RORB: variants seen among roughly 807,000 people sequenced by gnomAD.
RORB encodes nuclear receptor ROR-beta.
A neutral mutation model predicts 59.1 loss-of-function variants in RORB; 6 were observed. The observed-to-expected ratio is 0.10, with a 90% CI of 0.06 to 0.20. RORB has a LOEUF of 0.20. Among genes scored for constraint, RORB ranks in the 10% least tolerant of loss-of-function variants. RORB has a pLI of 1.00. For missense variants in RORB, 320 were observed against 560.5 expected (o/e 0.57, Z 4.33); for synonymous variants, 215 against 204.5 (o/e 1.05, Z -0.44).
At chr9:74,563,239 G>A (rs2118197078) in intron 1 of RORB, among the ~76,000 whole-genome samples, 1 of 147,398 alleles carries the variant, frequency 6.8e-6, no homozygotes, top group Non-Finnish European at 1.5e-5. Flanking sequence ...AGGCTGGAGT[G>A]CAGTAGCACA....
intron 1 of RORB, among the ~76,000 whole-genome samples, chr9:74,616,538 G>A (rs1406674556): frequency 3.9e-5 from 6 of 152,142 alleles, no homozygotes; most frequent in Non-Finnish European, 5.9e-5. Flanking sequence ...GGTGAAATAA[G>A]CTATTACCAG....
Position 74,685,934 on chromosome 9 carries a change from G to A in RORB, c.*316G>A, listed in dbSNP as rs549790333. On this transcript the variant is annotated 3_prime_UTR_variant, in exon 10 of 10. Coordinates refer to ENST00000376896, the MANE Select transcript of RORB (RefSeq NM_006914.4). Reference sequence around the variant, plus strand: ...AGAATTTTATTGTAGATATATACAAGAAAAGAGCGGTACTTTACATGATTA... The same window carrying A: ...AGAATTTTATTGTAGATATATACAAAAAAAGAGCGGTACTTTACATGATTA... 1 of 175,972 alleles carries A rather than the reference G, an allele frequency of 5.7e-6. No individual in the cohort carries two copies. The highest frequency in any genetic ancestry group is 2.3e-5 in the African/African-American group (1 of 42,574). 10.9% of individuals were successfully genotyped at this position (175,972 alleles called of 1,614,324 possible).
chr9:74,589,015 A>G (rs1264010487), intron 1 of RORB, among the ~76,000 whole-genome samples: 1 of 152,178 alleles, frequency 6.6e-6, no homozygotes, highest in Admixed American at 6.5e-5. Context: ...TTGTAACCAT[A>G]ATTTTCCTTT....
intron 1 of RORB, among the ~76,000 whole-genome samples, chr9:74,504,203 C>T (rs1794096180): frequency 6.6e-6 from 1 of 151,872 alleles, no homozygotes; most frequent in African/African-American, 2.4e-5. Flanking sequence ...ATATATTCTA[C>T]CCACCATTGT....
chr9:74,533,156 C>T (rs181844954), intron 1 of RORB, among the ~76,000 whole-genome samples: 1 of 152,006 alleles, frequency 6.6e-6, no homozygotes, highest in Admixed American at 6.6e-5. Flanking sequence ...CTGCTCCACA[C>T]AAACATTGTT....
At chr9:74,669,181 T>C (rs1013735307) in intron 8 of RORB, among the ~76,000 whole-genome samples, 1 of 152,182 alleles carries the variant, frequency 6.6e-6, no homozygotes, top group African/African-American at 2.4e-5. Flanking sequence ...AAAATATTTT[T>C]TTAAAGTATA....
At chr9:74,541,051 C>T (rs1826398616) in intron 1 of RORB, among the ~76,000 whole-genome samples, 1 of 151,842 alleles carries the variant, frequency 6.6e-6, no homozygotes, top group Admixed American at 6.6e-5. Flanking sequence ...GAGGCCAAGG[C>T]GGGTAGATCA....
intron 1 of RORB, among the ~76,000 whole-genome samples, chr9:74,545,215 C>T (rs1826468911): frequency 6.6e-6 from 1 of 151,570 alleles, no homozygotes; most frequent in African/African-American, 2.4e-5. Context: ...TTAATTTACT[C>T]ACAGGCCCTC....
chr9:74,566,570 G>T (rs1308032673), intron 1 of RORB, among the ~76,000 whole-genome samples: 1 of 152,138 alleles, frequency 6.6e-6, no homozygotes, highest in East Asian at 1.9e-4. Context: ...GCCGAGGTGG[G>T]TGGATCACCT....
At position 74,692,473 on chromosome 9, in the gene RORB, G is replaced by A. The variant is rs1001726306; in HGVS notation, c.*6855G>A. The A allele has an allele frequency of 2.6e-5, 4 of 152,110 alleles. No homozygotes were observed. Among genetic ancestry groups the A allele is most frequent in the African/African-American group, 4.8e-5 (2 of 41,418 alleles). 9.4% of individuals were successfully genotyped at this position (152,110 alleles called of 1,614,324 possible). ...TGTTTTTACCTTAGCTCCAGCCTAC[G>A]CTTGTAAAGTGAAGAGTGATTCTAA... On this transcript the variant is annotated 3_prime_UTR_variant, in exon 10 of 10. Transcript: ENST00000376896.
intron 1 of RORB, among the ~76,000 whole-genome samples, chr9:74,582,498 A>T (rs1822739128): frequency 6.6e-6 from 1 of 152,242 alleles, no homozygotes; most frequent in Non-Finnish European, 1.5e-5. Context: ...TACAGAGGTT[A>T]CAAACTGGCA....
At chr9:74,568,700 A>AAG (rs1822504863) in intron 1 of RORB, among the ~76,000 whole-genome samples, 1 of 53,202 alleles carries the variant, frequency 1.9e-5, no homozygotes, top group Admixed American at 2.0e-4. Flanking sequence ...ACTCCATCTC[A>AAG]AAAAAAAAAA....
intron 4 of RORB, among the ~76,000 whole-genome samples, chr9:74,659,211 A>C (rs1010759437): frequency 6.6e-6 from 1 of 152,142 alleles, no homozygotes; most frequent in Admixed American, 6.5e-5. Context: ...TTAAGTTTAC[A>C]ATTTTTTGTT....
chr9:74,680,330 A>G (rs960195228), intron 9 of RORB, among the ~76,000 whole-genome samples: 3 of 152,162 alleles, frequency 2.0e-5, no homozygotes, highest in Admixed American at 1.3e-4. Context: ...TATCTACTTC[A>G]TTCTTCTCCC....
intron 3 of RORB, among the ~76,000 whole-genome samples, chr9:74,636,633 G>A (rs1823708273): frequency 6.6e-6 from 1 of 152,198 alleles, no homozygotes; most frequent in South Asian, 2.1e-4. Flanking sequence ...TAAGGACACT[G>A]AGGATTAAGA....
chr9:74,664,421 A>G (rs1480203454), intron 6 of RORB, among the ~76,000 whole-genome samples: 4 of 152,122 alleles, frequency 2.6e-5, no homozygotes, highest in African/African-American at 4.8e-5. Context: ...TCAAAAAGGT[A>G]GGGTACTTAA....
At chr9:74,541,907 G>A (rs1254070028) in intron 1 of RORB, among the ~76,000 whole-genome samples, 2 of 152,050 alleles carry the variant, frequency 1.3e-5, no homozygotes, top group Non-Finnish European at 2.9e-5. Flanking sequence ...AGATTTAATA[G>A]CTGCAAAAAT....
intron 4 of RORB, among the ~76,000 whole-genome samples, 172 bp from the exon 5 acceptor site, chr9:74,660,445 G>GA (rs1429994954): frequency 1.3e-5 from 2 of 151,950 alleles, no homozygotes; most frequent in Admixed American, 6.6e-5. Context: ...ACTGAAAATT[G>GA]AAAAAATGCA....
chr9:74,584,839 C>G (rs538769554), intron 1 of RORB, among the ~76,000 whole-genome samples: 3 of 152,286 alleles, frequency 2.0e-5, no homozygotes, highest in South Asian at 4.1e-4. Context: ...TGGGAGCTGC[C>G]TTTAGAGTGG....
Sources: gnomAD v4.1 joint callset for allele counts (sites outside exome capture counted in the v4.1 genomes callset) on GRCh38, gnomAD v4.1.1 for gene constraint, MANE v1.5 for transcripts, NCBI Gene and HGNC (gene_info 2026-07-23, HGNC 2026-07-21) for gene names.